Variants in OR5K1 observed in about 807,000 individuals in gnomAD.
The protein encoded by OR5K1 is olfactory receptor 5K1.
OR5K1 carries 7 observed loss-of-function variants against 10.4 expected under a neutral mutation model. The ratio of observed to expected loss-of-function variants is 0.67; its 90% CI spans 0.38 to 1.26. The LOEUF (loss-of-function observed/expected upper bound fraction) is 1.26, where lower values mean the gene tolerates loss of function less well. Among genes scored for constraint, OR5K1 ranks in the 50% most tolerant of loss-of-function variants. The pLI is 0.02. For synonymous variants in OR5K1, 135 were observed against 128.5 expected (o/e 1.05, Z -0.34); for missense variants, 435 against 366.2 (o/e 1.19, Z -1.53).
intron 1 of OR5K1, among the ~76,000 whole-genome samples, chr3:98,467,102 T>A (rs1312013237): frequency 9.6e-6 from 1 of 104,038 alleles, no homozygotes; most frequent in African/African-American, 4.9e-5. Flanking sequence ...GGATCCAGTT[T>A]CAGCTTTCTA....
At chr3:98,464,530 T>C (rs573597635) in intron 1 of OR5K1, among the ~76,000 whole-genome samples, 1 of 152,280 alleles carries the variant, frequency 6.6e-6, no homozygotes, top group East Asian at 1.9e-4. Context: ...AATTAATACA[T>C]GATTCCCAAA....
chr3:98,471,741 T>C lies in OR5K1; in HGVS notation c.*1238T>C, dbSNP rs1705450142. Reference sequence around the variant, plus strand: ...TTCCCAGAAAGCAATTGTCAAGTGCTCCAGGTTAGCCAGCCACCAGAGGCT... The same window carrying C: ...TTCCCAGAAAGCAATTGTCAAGTGCCCCAGGTTAGCCAGCCACCAGAGGCT... On this transcript the variant is annotated 3_prime_UTR_variant, in exon 2 of 2. Transcript: ENST00000642057. The C allele has an allele frequency of 6.6e-6, 1 of 152,024 alleles. No homozygotes were observed. Among genetic ancestry groups the C allele is most frequent in the Non-Finnish European group, 1.5e-5 (1 of 67,958 alleles). 9.4% of individuals were successfully genotyped at this position (152,024 alleles called of 1,614,324 possible).
Position 98,472,793 on chromosome 3 carries a change from A to G in OR5K1, c.*2290A>G, listed in dbSNP as rs187205159. 5 of 152,078 alleles carry G rather than the reference A, an allele frequency of 3.3e-5. No individual in the cohort carries two copies. The highest frequency in any genetic ancestry group is 1.2e-4 in the African/African-American group (5 of 41,548). The allele number at this position is 152,078 out of a possible 1,614,324, so 9.4% of individuals were successfully genotyped here. On this transcript the variant is annotated 3_prime_UTR_variant, in exon 2 of 2. Coordinates refer to ENST00000642057, the MANE Select transcript of OR5K1 (RefSeq NM_001004736.4). ...TGCCCTGGTTACTGTCTGAAACGGCAGGCATAGTTATTGGGTAAGACAGAA... is the reference window on the plus strand; with the variant it reads ...TGCCCTGGTTACTGTCTGAAACGGCGGGCATAGTTATTGGGTAAGACAGAA...
intron 1 of OR5K1, among the ~76,000 whole-genome samples, chr3:98,468,325 A>G (rs776362078): frequency 6.6e-6 from 1 of 152,266 alleles, no homozygotes; most frequent in Non-Finnish European, 1.5e-5. Context: ...TTTTATTGTG[A>G]TAGAAAATAC....
chr3:98,466,268 T>C (rs1189975874), intron 1 of OR5K1, among the ~76,000 whole-genome samples: 1 of 126,134 alleles, frequency 7.9e-6, no homozygotes, highest in Admixed American at 8.1e-5. Context: ...ATGGTGTATA[T>C]GTGCCACATT....
At chr3:98,465,144 C>A (rs1576236281) in intron 1 of OR5K1, among the ~76,000 whole-genome samples, 1 of 152,162 alleles carries the variant, frequency 6.6e-6, no homozygotes, top group East Asian at 1.9e-4. Context: ...ATAGAAAAAA[C>A]TAGTAATATT....
At chr3:98,469,484 C>T (rs1705414392) in intron 1 of OR5K1, 82 bp from the exon 2 acceptor site, 3 of 1,310,268 alleles carry the variant, frequency 2.3e-6, no homozygotes, top group Non-Finnish European at 3.2e-6. Context: ...GGAAGATGCT[C>T]TCCTTCCTTT....
intron 1 of OR5K1, among the ~76,000 whole-genome samples, chr3:98,468,786 T>C (rs1380176107): frequency 2.6e-5 from 4 of 152,114 alleles, no homozygotes; most frequent in Admixed American, 2.6e-4. Context: ...CATTGGCATA[T>C]AAAAATACTC....
chr3:98,467,030 T>C lies in OR5K1; in HGVS notation c.-11-2536T>C, dbSNP rs1412480068. Among the ~76,000 whole-genome samples the C allele has an allele frequency of 1.6e-4, 18 of 113,768 alleles. 1 individual carries two copies. The East Asian group carries it at 4.6e-3, about 29-fold the overall frequency. 74.6% of individuals were successfully genotyped at this position (113,768 alleles called of 152,430 possible). A position where few individuals can be genotyped will look rare whatever the true frequency, so the allele number is the denominator to read the frequency against. On this transcript the variant is annotated intron_variant, in intron 1 of 1. Transcript: ENST00000642057. Reference sequence around the variant, plus strand: ...TTTTCTTCTAGGGTTTTTATGGTTTTAGGTCTAACGTTTAAATCTTTAATC... The same window carrying C: ...TTTTCTTCTAGGGTTTTTATGGTTTCAGGTCTAACGTTTAAATCTTTAATC...
Position 98,470,144 on chromosome 3 carries a change from G to A in OR5K1, c.568G>A (p.Val190Ile), listed in dbSNP as rs1705427988. 3.1e-6 allele frequency: 5 copies of A among 1,613,522 alleles called. No individual in the cohort carries two copies. Among genetic ancestry groups the A allele is most frequent in the Non-Finnish European group, 4.2e-6 (5 of 1,179,664 alleles). Reference sequence around the variant, plus strand: ...TCTTCCCTTGTATAGACTCTCTTGTGTTGATCCTTATATCAATGAACTGGT... The same window carrying A: ...TCTTCCCTTGTATAGACTCTCTTGTATTGATCCTTATATCAATGAACTGGT... ...DILPLYRLSC[V>I]DPYINELVLF... is the part of the protein sequence containing the mutation. The change falls in exon 2 of 2, where the codon GTT (valine) becomes ATT (isoleucine). Residue 190 changes from valine to isoleucine, a missense_variant. By Grantham distance (29) the Val-to-Ile change is conservative. Coordinates refer to ENST00000642057, the MANE Select transcript of OR5K1 (RefSeq NM_001004736.4).
rs1705373179 is a variant in OR5K1 at position 98,466,159 on chromosome 3, TGTTCTTGCGATA to T, written c.-12+2856_-12+2867del. ...TGAGAATATGCAGTGTTTGGTTTTT[TGTTCTTGCGATA>T]GTTTACTGAGAATGATGGTTTCCAA... On this transcript the variant is annotated intron_variant, in intron 1 of 1. Coordinates refer to ENST00000642057, the MANE Select transcript of OR5K1 (RefSeq NM_001004736.4). 2.0e-5 allele frequency among the ~76,000 whole-genome samples: 3 copies of T among 149,260 alleles called. No individual in the cohort carries two copies. The South Asian group carries it at 6.6e-4, about 33-fold the overall frequency.
Position 98,464,865 on chromosome 3 carries a change from C to T in OR5K1, c.-12+1558C>T, listed in dbSNP as rs534984620. 1.6e-3 allele frequency among the ~76,000 whole-genome samples: 251 copies of T among 152,242 alleles called. 1 individual carries two copies. The highest frequency in any genetic ancestry group is 5.8e-3 in the African/African-American group (243 of 41,554). On this transcript the variant is annotated intron_variant, in intron 1 of 1. Coordinates refer to ENST00000642057, the MANE Select transcript of OR5K1 (RefSeq NM_001004736.4). ...TATTTATAACTGGTGATGCCATTAT[C>T]ATAAAAGTGGAGTAGGCATTTGCTC...
chr3:98,472,209 T>A lies in OR5K1; in HGVS notation c.*1706T>A, dbSNP rs1705456082. ...GATTTTCAGCTAAAATGTCTATTTA[T>A]CCAACCCACAAGGCTTTGGGTTGGC... is the stretch of plus-strand genomic sequence containing the variant. On this transcript the variant is annotated 3_prime_UTR_variant, in exon 2 of 2. Transcript: ENST00000642057. 1 of 149,554 alleles carries A rather than the reference T, an allele frequency of 6.7e-6. No individual in the cohort carries two copies. Among genetic ancestry groups the A allele is most frequent in the Admixed American group, 6.7e-5 (1 of 14,890 alleles). The allele number at this position is 149,554 out of a possible 1,614,324, so 9.3% of individuals were successfully genotyped here.
At position 98,470,503 on chromosome 3, in the gene OR5K1, A is replaced by T; in HGVS notation, c.927A>T (p.Ter309TyrextTer14). 1 of 1,516,286 alleles carries T rather than the reference A, an allele frequency of 6.6e-7. No homozygotes were observed. The highest frequency in any genetic ancestry group is 9.1e-7 in the Non-Finnish European group (1 of 1,103,396). The allele number at this position is 1,516,286 out of a possible 1,614,324, so 93.9% of individuals were successfully genotyped here. A position where few individuals can be genotyped will look rare whatever the true frequency, so the allele number is the denominator to read the frequency against. Residue 309 changes from the stop codon to tyrosine, a stop_lost, in exon 2 of 2, where the codon TAA becomes TAT. Transcript: ENST00000642057. ...TAAGAAAAATTCTGATGAAGAAATAATCTCAAGAAAGATGGAAACAAGTGA... is the reference window on the plus strand; with the variant it reads ...TAAGAAAAATTCTGATGAAGAAATATTCTCAAGAAAGATGGAAACAAGTGA... The part of the protein sequence containing the change: ...SVLRKILMKK[*>Y]
intron 1 of OR5K1, among the ~76,000 whole-genome samples, chr3:98,465,889 C>CT (rs57195352): frequency 0.55 from 81,796 of 149,920 alleles, 22,212 homozygotes; most frequent in African/African-American, 0.59. Flanking sequence ...ATAAATTTGT[C>CT]TTTTTTTTTT....
chr3:98,465,349 C>A (rs1157025945), intron 1 of OR5K1, among the ~76,000 whole-genome samples: 1 of 152,138 alleles, frequency 6.6e-6, no homozygotes, highest in African/African-American at 2.4e-5. Flanking sequence ...GAATGATTCA[C>A]ATTTATTTCA....
Position 98,469,790 on chromosome 3 carries a change from T to A in OR5K1, c.214T>A (p.Cys72Ser). ...GGGAAATCTGGCTCTTGTGGATTCTTGCTGTGCCTGTGCTATTACCCCCAA... is the reference window on the plus strand; with the variant it reads ...GGGAAATCTGGCTCTTGTGGATTCTAGCTGTGCCTGTGCTATTACCCCCAA... ...FLGNLALVDS[C>S]CACAITPKML... is the part of the protein sequence containing the mutation. The change falls in exon 2 of 2, where the codon TGC (cysteine) becomes AGC (serine). Residue 72 changes from cysteine to serine, a missense_variant. By Grantham distance (112) the Cys-to-Ser change is moderately radical. Transcript: ENST00000642057. The A allele has an allele frequency of 6.2e-7, 1 of 1,613,742 alleles. No homozygotes were observed. The highest frequency in any genetic ancestry group is 8.5e-7 in the Non-Finnish European group (1 of 1,179,782).
chr3:98,470,551 T>A lies in OR5K1; in HGVS notation c.*48T>A. 1.8e-6 allele frequency: 2 copies of A among 1,129,222 alleles called. No individual in the cohort carries two copies. Among genetic ancestry groups the A allele is most frequent in the Non-Finnish European group, 2.5e-6 (2 of 789,420 alleles). 70.0% of individuals were successfully genotyped at this position (1,129,222 alleles called of 1,614,324 possible). ...TGACATCTACTATAGCTTAATGATT[T>A]AAATGCAGCAAAAACTTCCATGTGA... On this transcript the variant is annotated 3_prime_UTR_variant, in exon 2 of 2. Coordinates refer to ENST00000642057, the MANE Select transcript of OR5K1 (RefSeq NM_001004736.4).
In OR5K1 at chr3:98,470,280, C is replaced by T. The variant is rs184813728; in HGVS notation, c.704C>T (p.Ala235Val). 6.2e-7 allele frequency: 1 copy of T among 1,613,220 alleles called. No individual in the cohort carries two copies. The highest frequency in any genetic ancestry group is 8.5e-7 in the Non-Finnish European group (1 of 1,179,534). ...AAAATGAAATCCAAAGAGGGAAGGG[C>T]CAAAGCTTTTTCTACCTGTGCATCC... Reference protein sequence around the residue: ...IFKMKSKEGRAKAFSTCASHF... With the variant: ...IFKMKSKEGRVKAFSTCASHF... Residue 235 changes from alanine (A) to valine (V), a missense_variant, in exon 2 of 2, where the codon GCC becomes GTC. Ala to Val is a moderately conservative substitution (Grantham distance 64, BLOSUM62 0). Coordinates refer to ENST00000642057, the MANE Select transcript of OR5K1 (RefSeq NM_001004736.4).
Sources: allele counts gnomAD v4.1 joint callset (sites outside exome capture counted in the v4.1 genomes callset), GRCh38; gene constraint gnomAD v4.1.1; transcripts MANE v1.5; gene names NCBI Gene and HGNC (gene_info 2026-07-23, HGNC 2026-07-21).